The following LRFN5 variants were observed in gnomAD, a reference collection of about 807,000 sequenced individuals.
LRFN5 encodes the protein leucine rich repeat and fibronectin type III domain containing 5.
A neutral mutation model predicts 45.6 loss-of-function variants in LRFN5; 24 were observed. The ratio of observed to expected loss-of-function variants is 0.53; its 90% CI spans 0.38 to 0.74. LRFN5 has a LOEUF of 0.74. Ranked by LOEUF, LRFN5 falls within the 30% of genes least tolerant of loss-of-function variation. LRFN5 has a pLI of 0.00. For synonymous variants in LRFN5, 340 were observed against 313.8 expected, an observed-to-expected ratio of 1.08 and a Z score of -0.88; for missense variants, 776 against 861.5, an observed-to-expected ratio of 0.90 and a Z score of 1.24.
At chr14:41,796,878 A>G (rs1333975915) in intron 2 of LRFN5, among the ~76,000 whole-genome samples, 1 of 151,890 alleles carries the variant, frequency 6.6e-6, no homozygotes, top group Non-Finnish European at 1.5e-5. Flanking sequence ...TCACGTCTTC[A>G]ATCATTAAAG....
intron 1 of LRFN5, among the ~76,000 whole-genome samples, chr14:41,670,533 T>A (rs1028706374): frequency 2.0e-5 from 3 of 151,402 alleles, no homozygotes; most frequent in Non-Finnish European, 4.4e-5. Context: ...AAAATAAAAA[T>A]TATATTTATG....
intron 2 of LRFN5, among the ~76,000 whole-genome samples, chr14:41,866,905 G>C (rs1333052894): frequency 6.6e-6 from 1 of 152,020 alleles, no homozygotes; most frequent in Non-Finnish European, 1.5e-5. Flanking sequence ...ATATGACCTA[G>C]ATTATATTAT....
chr14:41,743,437 C>T (rs1334079455), intron 1 of LRFN5, among the ~76,000 whole-genome samples: 1 of 151,920 alleles, frequency 6.6e-6, no homozygotes, highest in Non-Finnish European at 1.5e-5. Context: ...AAAATAAAGA[C>T]GCAGTGCTTG....
intron 1 of LRFN5, among the ~76,000 whole-genome samples, chr14:41,703,834 A>G (rs1035547780): frequency 6.6e-6 from 1 of 152,108 alleles, no homozygotes; most frequent in Admixed American, 6.6e-5. Context: ...ACACCTTGAT[A>G]GTGTAGATTT....
rs369219289 is a variant in LRFN5, at chr14:41,899,340, T to A, written c.2142+380T>A. Among the ~76,000 whole-genome samples the A allele has an allele frequency of 3.9e-5, 6 of 152,080 alleles. No individual in the cohort carries two copies. The East Asian group carries it at 7.7e-4, about 20-fold the overall frequency. On this transcript the variant is annotated intron_variant, in intron 5 of 5. Coordinates refer to ENST00000298119, the MANE Select transcript of LRFN5 (RefSeq NM_152447.5). ...TTTACTCCTATCCTTGACCTCCACA[T>A]CCTAATTAGAGCTGAGATGACACAT...
intron 1 of LRFN5, among the ~76,000 whole-genome samples, chr14:41,625,954 G>C (rs1460884331): frequency 6.6e-6 from 1 of 151,966 alleles, no homozygotes; most frequent in African/African-American, 2.4e-5. Flanking sequence ...AAGCCATTGT[G>C]GGTATGTTTC....
intron 1 of LRFN5, among the ~76,000 whole-genome samples, chr14:41,743,269 G>C (rs7147806): frequency 0.067 from 10,121 of 152,032 alleles, 1,131 homozygotes; most frequent in African/African-American, 0.23. Context: ...AATCTACATC[G>C]CCCTACCTTC....
intron 5 of LRFN5, 97 bp downstream of exon 5, chr14:41,899,057 C>A: frequency 1.0e-6 from 1 of 967,606 alleles, no homozygotes; most frequent in Non-Finnish European, 1.5e-6. Flanking sequence ...ATTTATGTAG[C>A]TTGTTGAAAT....
intron 1 of LRFN5, among the ~76,000 whole-genome samples, chr14:41,644,567 G>A (rs1308974150): frequency 6.6e-6 from 1 of 152,122 alleles, no homozygotes; most frequent in Non-Finnish European, 1.5e-5. Context: ...TGGGTAAGGA[G>A]ATAGTCGGAG....
In LRFN5 at chr14:41,803,259, G is replaced by C. The variant is rs532188886; in HGVS notation, c.-21+36230G>C. Reference sequence around the variant, plus strand: ...TGGATGTGCAGTTTTTAAGTTTTATGTACATTCTTTTCCAAAACTACATAC... The same window carrying C: ...TGGATGTGCAGTTTTTAAGTTTTATCTACATTCTTTTCCAAAACTACATAC... On this transcript the variant is annotated intron_variant, in intron 2 of 5. Transcript: ENST00000298119. Among the ~76,000 whole-genome samples, 8 of 152,160 alleles carry C rather than the reference G, an allele frequency of 5.3e-5. No individual in the cohort carries two copies. The South Asian group carries it at 1.7e-3, about 32-fold the overall frequency.
At chr14:41,833,631 A>C (rs945254396) in intron 2 of LRFN5, among the ~76,000 whole-genome samples, 1 of 152,196 alleles carries the variant, frequency 6.6e-6, no homozygotes, top group Non-Finnish European at 1.5e-5. Context: ...GCTGTTATTC[A>C]TATTTGTGCA....
intron 1 of LRFN5, among the ~76,000 whole-genome samples, chr14:41,758,795 A>G (rs1326983797): frequency 6.6e-6 from 1 of 152,160 alleles, no homozygotes; most frequent in Non-Finnish European, 1.5e-5. Context: ...CTTTGTTTCC[A>G]ATGACCTCTC....
At chr14:41,810,845 T>C (rs1887711494) in intron 2 of LRFN5, among the ~76,000 whole-genome samples, 1 of 152,048 alleles carries the variant, frequency 6.6e-6, no homozygotes, top group African/African-American at 2.4e-5. Context: ...AAACACTCTT[T>C]CTAGTATGCA....
At chr14:41,653,741 A>G (rs1459683487) in intron 1 of LRFN5, among the ~76,000 whole-genome samples, 2 of 152,110 alleles carry the variant, frequency 1.3e-5, no homozygotes, top group Non-Finnish European at 2.9e-5. Flanking sequence ...AGATAGGTAG[A>G]CCACTGAAAT....
intron 1 of LRFN5, among the ~76,000 whole-genome samples, chr14:41,624,864 T>G (rs956556336): frequency 6.6e-6 from 1 of 152,152 alleles, no homozygotes; most frequent in Non-Finnish European, 1.5e-5. Flanking sequence ...TCTTCCTTTA[T>G]TCCTCTATTT....
At chr14:41,744,575 A>G (rs1268337172) in intron 1 of LRFN5, among the ~76,000 whole-genome samples, 1 of 152,134 alleles carries the variant, frequency 6.6e-6, no homozygotes, top group African/African-American at 2.4e-5. Context: ...CAATTCAGAG[A>G]CACAGATTGG....
intron 4 of LRFN5, among the ~76,000 whole-genome samples, chr14:41,897,974 A>G (rs1205548794): frequency 3.3e-5 from 5 of 152,074 alleles, no homozygotes; most frequent in African/African-American, 9.7e-5. Flanking sequence ...AGCTTATGAA[A>G]TATACCGTGT....
intron 2 of LRFN5, among the ~76,000 whole-genome samples, chr14:41,773,608 A>G (rs1489173804): frequency 6.6e-6 from 1 of 151,878 alleles, no homozygotes; most frequent in Non-Finnish European, 1.5e-5. Flanking sequence ...TCTGCAGATT[A>G]ATACGACTGG....
At chr14:41,648,355 A>G (rs1048772644) in intron 1 of LRFN5, among the ~76,000 whole-genome samples, 1 of 152,146 alleles carries the variant, frequency 6.6e-6, no homozygotes, top group Non-Finnish European at 1.5e-5. Flanking sequence ...TCAAAATAAT[A>G]ATAATTAATT....
Sources: allele counts gnomAD v4.1 joint callset (sites outside exome capture counted in the v4.1 genomes callset), GRCh38; gene constraint gnomAD v4.1.1; transcripts MANE v1.5; gene names NCBI Gene and HGNC (gene_info 2026-07-23, HGNC 2026-07-21).